ACOXL: variants seen among roughly 807,000 people sequenced by gnomAD.
The protein encoded by ACOXL is acyl-coenzyme A oxidase-like protein.
In ACOXL, 70 loss-of-function variants were observed where a neutral mutation model predicts 71.9. That is an observed-to-expected ratio of 0.97 (90% confidence interval 0.80 to 1.19). ACOXL has a LOEUF of 1.19. Among genes scored for constraint, ACOXL ranks in the 50% most tolerant of loss-of-function variants. The pLI is 0.00. For synonymous variants in ACOXL, 253 were observed against 281.6 expected, an observed-to-expected ratio of 0.90 and a Z score of 1.02; for missense variants, 703 against 736.3, an observed-to-expected ratio of 0.95 and a Z score of 0.52.
chr2:110,803,829 A>C (rs184703744), intron 8 of ACOXL, among the ~76,000 whole-genome samples: 1 of 152,228 alleles, frequency 6.6e-6, no homozygotes, highest in Admixed American at 6.5e-5. Context: ...GAATAAAAAG[A>C]CAACCCAATT....
intron 9 of ACOXL, among the ~76,000 whole-genome samples, chr2:110,812,931 A>T (rs1219555111): frequency 6.6e-6 from 1 of 152,170 alleles, no homozygotes. Context: ...TTACACTGGC[A>T]GGAGGGACAT....
At chr2:110,755,925 T>C (rs1212985025) in intron 1 of ACOXL, among the ~76,000 whole-genome samples, 1 of 152,182 alleles carries the variant, frequency 6.6e-6, no homozygotes, top group Non-Finnish European at 1.5e-5. Context: ...TACACACACA[T>C]GCAAGCAATA....
chr2:111,013,359 A>G (rs1319040935), intron 14 of ACOXL, among the ~76,000 whole-genome samples: 1 of 151,992 alleles, frequency 6.6e-6, no homozygotes, highest in African/African-American at 2.4e-5. Flanking sequence ...CCCTGTCTCT[A>G]CTAAAAATAC....
At position 110,770,004 on chromosome 2, in the gene ACOXL, C is replaced by T. The variant is rs531190586; in HGVS notation, c.75+1540C>T. On this transcript the variant is annotated intron_variant, in intron 2 of 17. Coordinates refer to ENST00000439055, the MANE Select transcript of ACOXL (RefSeq NM_001142807.4). ...CTGCAGTGAGCTATGATCGCACCACCGCACTCCAGCCTGGGCAACCGGAGT... is the reference window on the plus strand; with the variant it reads ...CTGCAGTGAGCTATGATCGCACCACTGCACTCCAGCCTGGGCAACCGGAGT... Among the ~76,000 whole-genome samples, 7 of 151,414 alleles carry T rather than the reference C, an allele frequency of 4.6e-5. No individual in the cohort carries two copies. In the South Asian group the frequency reaches 8.4e-4, roughly 18 times the overall value.
At chr2:110,778,951 A>T (rs1315497392) in intron 2 of ACOXL, among the ~76,000 whole-genome samples, 2 of 152,234 alleles carry the variant, frequency 1.3e-5, no homozygotes, top group African/African-American at 4.8e-5. Context: ...TACGTTCATT[A>T]TTACCTGCCA....
At chr2:110,915,331 G>A (rs1012657586) in intron 11 of ACOXL, among the ~76,000 whole-genome samples, 2 of 116,382 alleles carry the variant, frequency 1.7e-5, no homozygotes, top group African/African-American at 3.5e-5. Flanking sequence ...TTTGTTATAT[G>A]CATTTTATAT....
intron 16 of ACOXL, among the ~76,000 whole-genome samples, chr2:111,058,256 T>G (rs1012464747): frequency 6.6e-6 from 1 of 152,176 alleles, no homozygotes; most frequent in Non-Finnish European, 1.5e-5. Flanking sequence ...GATGCTAAAG[T>G]TCCCAGGAGA....
intron 17 of ACOXL, among the ~76,000 whole-genome samples, chr2:111,103,057 GA>G (rs1374618975): frequency 6.6e-6 from 1 of 152,162 alleles, no homozygotes; most frequent in African/African-American, 2.4e-5. Context: ...TTGGGAGGCT[GA>G]GGAGGGCGGA....
chr2:110,808,609 T>G (rs1015711903), intron 9 of ACOXL, among the ~76,000 whole-genome samples: 1 of 152,194 alleles, frequency 6.6e-6, no homozygotes, highest in Non-Finnish European at 1.5e-5. Flanking sequence ...TGGCCTCATT[T>G]CTGTCTCTCC....
intron 14 of ACOXL, among the ~76,000 whole-genome samples, chr2:111,024,446 T>G (rs1478332128): frequency 6.6e-6 from 1 of 152,076 alleles, no homozygotes; most frequent in East Asian, 1.9e-4. Flanking sequence ...AGCCAAGGAA[T>G]GTTGGAGACC....
At chr2:110,934,991 G>A (rs770568813) in intron 12 of ACOXL, among the ~76,000 whole-genome samples, 4 of 152,172 alleles carry the variant, frequency 2.6e-5, no homozygotes, top group Non-Finnish European at 5.9e-5. Context: ...CCTGCCAGGG[G>A]GCTGGTTTCT....
intron 11 of ACOXL, among the ~76,000 whole-genome samples, chr2:110,921,117 C>G (rs1327775598): frequency 6.6e-6 from 1 of 151,884 alleles, no homozygotes; most frequent in African/African-American, 2.4e-5. Context: ...ATTCCCTTTT[C>G]TTTTTAATGT....
chr2:110,929,150 A>G (rs902431315), intron 11 of ACOXL, among the ~76,000 whole-genome samples: 1 of 152,222 alleles, frequency 6.6e-6, no homozygotes, highest in Admixed American at 6.5e-5. Context: ...GAAGAAAGGA[A>G]AATGAGGAAA....
At chr2:111,099,977 A>G (rs147836661) in intron 17 of ACOXL, 4 of 152,302 alleles carry the variant, frequency 2.6e-5, no homozygotes, top group Admixed American at 2.0e-4. Context: ...CTCTTACTTT[A>G]TTTTACACCG....
At chr2:110,829,302 C>G (rs531384079) in intron 9 of ACOXL, among the ~76,000 whole-genome samples, 1 of 152,228 alleles carries the variant, frequency 6.6e-6, no homozygotes, top group South Asian at 2.1e-4. Flanking sequence ...AGTGTAAGTT[C>G]AGGTGGTGAG....
chr2:110,917,037 A>T (rs921819954), intron 11 of ACOXL, among the ~76,000 whole-genome samples: 1 of 152,180 alleles, frequency 6.6e-6, no homozygotes, highest in African/African-American at 2.4e-5. Context: ...AGAAGAGGGA[A>T]TCCTCCCTAA....
chr2:111,071,720 T>C (rs1383927996), intron 16 of ACOXL, among the ~76,000 whole-genome samples: 1 of 152,206 alleles, frequency 6.6e-6, no homozygotes, highest in Non-Finnish European at 1.5e-5. Context: ...TTCCTGCTTA[T>C]TATGCAGCTC....
intron 1 of ACOXL, among the ~76,000 whole-genome samples, chr2:110,741,805 A>G (rs1677576177): frequency 6.6e-6 from 1 of 152,166 alleles, no homozygotes; most frequent in Admixed American, 6.5e-5. Context: ...GTGGTTTCCT[A>G]CCATGCTTTT....
At chr2:110,943,766 T>C (rs2060987297) in intron 12 of ACOXL, among the ~76,000 whole-genome samples, 1 of 152,134 alleles carries the variant, frequency 6.6e-6, no homozygotes, top group Non-Finnish European at 1.5e-5. Flanking sequence ...CTTATTGCCG[T>C]AGCAGACACA....
Sources: gnomAD v4.1 joint callset for allele counts (sites outside exome capture counted in the v4.1 genomes callset) on GRCh38, gnomAD v4.1.1 for gene constraint, MANE v1.5 for transcripts, NCBI Gene and HGNC (gene_info 2026-07-23, HGNC 2026-07-21) for gene names.